The following NFIB variants were observed in gnomAD, a reference collection of about 807,000 sequenced individuals.
The protein encoded by NFIB is nuclear factor 1 B-type.
A neutral mutation model predicts 61.5 loss-of-function variants in NFIB; 11 were observed. That is an observed-to-expected ratio of 0.18 (90% confidence interval 0.11 to 0.30). NFIB has a LOEUF of 0.30. NFIB is among the 10% of genes least tolerant of loss of function. The probability of loss-of-function intolerance (pLI) is 1.00; values close to 1 mark genes in which losing one functional copy is unlikely to be tolerated. For missense variants in NFIB, 471 were observed against 608.9 expected, an observed-to-expected ratio of 0.77 and a Z score of 2.38; for synonymous variants, 260 against 216.5, an observed-to-expected ratio of 1.20 and a Z score of -1.76.
At chr9:14,472,266 G>A in the NFIB span, among the ~76,000 whole-genome samples, 1 of 152,152 alleles carries the variant, frequency 6.6e-6, no homozygotes, top group Non-Finnish European at 1.5e-5. Flanking sequence ...CCCAGACTAG[G>A]TCCAAGTTAT....
chr9:14,279,095 C>G (rs1011934690), intron 2 of NFIB, among the ~76,000 whole-genome samples: 6 of 151,974 alleles, frequency 3.9e-5, no homozygotes, highest in Non-Finnish European at 7.4e-5. Context: ...GAGAGTGTGC[C>G]TACAATTCAC....
chr9:14,524,563 C>T, the NFIB span, among the ~76,000 whole-genome samples: 2 of 152,032 alleles, frequency 1.3e-5, no homozygotes, highest in East Asian at 1.9e-4. Flanking sequence ...TGAGTTGAAC[C>T]GCAAAATGGC....
At chr9:14,300,196 C>CAGAA in intron 2 of NFIB, 1 of 398,508 alleles carries the variant, frequency 2.5e-6, no homozygotes, top group Non-Finnish European at 4.4e-6. Flanking sequence ...CACGTTGCCA[C>CAGAA]AGAAAAGTGA....
intron 8 of NFIB, among the ~76,000 whole-genome samples, chr9:14,119,229 TATACTAAG>T (rs1410983982): frequency 2.0e-5 from 3 of 152,148 alleles, no homozygotes; most frequent in Non-Finnish European, 4.4e-5. Context: ...TTCTAAACGA[TATACTAAG>T]ATCCCACTCT....
At chr9:14,350,881 G>A (rs1469278064) in intron 1 of NFIB, among the ~76,000 whole-genome samples, 2 of 152,204 alleles carry the variant, frequency 1.3e-5, no homozygotes, top group East Asian at 3.9e-4. Flanking sequence ...TTGGCACAAA[G>A]CTGTTTCGAC....
chr9:14,379,466 A>G (rs2061457836), intron 1 of NFIB, among the ~76,000 whole-genome samples: 1 of 152,176 alleles, frequency 6.6e-6, no homozygotes, highest in South Asian at 2.1e-4. Context: ...TAAGATCCGA[A>G]TGCAGGTGAA....
intron 2 of NFIB, among the ~76,000 whole-genome samples, chr9:14,288,378 A>G (rs1208471948): frequency 2.0e-5 from 3 of 152,120 alleles, no homozygotes; most frequent in African/African-American, 7.2e-5. Context: ...GCCATTTAGT[A>G]TTAAATATTT....
At chr9:14,257,411 C>T (rs1409233999) in intron 2 of NFIB, among the ~76,000 whole-genome samples, 2 of 152,108 alleles carry the variant, frequency 1.3e-5, no homozygotes, top group African/African-American at 2.4e-5. Context: ...CAATGCCTAG[C>T]TCAGTGCTGA....
At chr9:14,499,535 G>T in the NFIB span, among the ~76,000 whole-genome samples, 3 of 152,290 alleles carry the variant, frequency 2.0e-5, no homozygotes, top group Admixed American at 6.5e-5. Flanking sequence ...ATTGTGTGCT[G>T]CCTCCTGGAT....
chr9:14,362,373 G>A (rs894827116), intron 1 of NFIB: 1 of 152,108 alleles, frequency 6.6e-6, no homozygotes, highest in Non-Finnish European at 1.5e-5. Context: ...TGAACATCAA[G>A]AACTGGGTGT....
rs1450972882 is a variant in NFIB, at chr9:14,331,745, A to G, written c.109-24225T>C. ...GTGACTCTGGACAAGGCAGGTAATG[A>G]TTCTTAACCACGATTCCCTTACCTT... On this transcript the variant is annotated intron_variant, in intron 1 of 8. Coordinates refer to the NFIB transcript ENST00000380934. Among the ~76,000 whole-genome samples the G allele has an allele frequency of 2.0e-5, 3 of 152,212 alleles. No homozygotes were observed. The East Asian group carries it at 5.8e-4, about 29-fold the overall frequency.
intron 1 of NFIB, among the ~76,000 whole-genome samples, chr9:14,345,133 G>A (rs568345878): frequency 5.9e-5 from 9 of 152,150 alleles, no homozygotes; most frequent in Admixed American, 5.2e-4. Flanking sequence ...GGAAGTGAGC[G>A]TGTTGAAGGG....
upstream of NFIB, among the ~76,000 whole-genome samples, chr9:14,400,069 A>C (rs2061727951): frequency 6.6e-6 from 1 of 152,080 alleles, no homozygotes; most frequent in Non-Finnish European, 1.5e-5. Flanking sequence ...CCTGGACTTT[A>C]AAACTTCAAT....
chr9:14,313,549 A>C lies in NFIB; in HGVS notation c.-38T>G. On this transcript the variant is annotated 5_prime_UTR_variant, in exon 1 of 11. Transcript: ENST00000380953. This position sits in a 1 kb window ranked among gnomAD's most constrained non-coding sequence, Gnocchi z 4.5. ...AAACGCACTTTCCGGGAGATGCCCA[A>C]GAAAATCTTCGAGAAGCAAGAATTT... is the stretch of plus-strand genomic sequence containing the variant. 2.5e-6 allele frequency: 4 copies of C among 1,613,364 alleles called. No homozygotes were observed. Among genetic ancestry groups the C allele is most frequent in the Non-Finnish European group, 3.4e-6 (4 of 1,179,660 alleles).
chr9:14,170,775 C>T (rs1474255456), intron 3 of NFIB, among the ~76,000 whole-genome samples: 1 of 152,170 alleles, frequency 6.6e-6, no homozygotes, highest in Non-Finnish European at 1.5e-5. Flanking sequence ...GATTCTGACC[C>T]TCCCTTAAGG....
chr9:14,248,749 G>A (rs1015464476), intron 2 of NFIB, among the ~76,000 whole-genome samples: 2 of 152,140 alleles, frequency 1.3e-5, no homozygotes, highest in African/African-American at 4.8e-5. Flanking sequence ...CAGGTTCAGG[G>A]GTAGTCCAAG....
intron 1 of NFIB, among the ~76,000 whole-genome samples, chr9:14,397,959 C>T (rs2061704132): frequency 6.6e-6 from 1 of 152,084 alleles, no homozygotes; most frequent in Non-Finnish European, 1.5e-5. Flanking sequence ...AGCAATATAA[C>T]ATTTGTAGTA....
rs77868652 is a variant in NFIB at position 14,122,395 on chromosome 9, G to A, written c.1061-1771C>T. ...TCCCTTGGTCTACACACAGACCTAGGGGATCAGGACCTCTAGGGGTAAGGC... is the reference window on the plus strand; with the variant it reads ...TCCCTTGGTCTACACACAGACCTAGAGGATCAGGACCTCTAGGGGTAAGGC... On this transcript the variant is annotated intron_variant, in intron 7 of 10. Coordinates refer to ENST00000380953, the MANE Select transcript of NFIB (RefSeq NM_001190737.2). Among the ~76,000 whole-genome samples the A allele has an allele frequency of 3.8e-3, 574 of 152,186 alleles. 4 individuals carry two copies. Among genetic ancestry groups the A allele is most frequent in the African/African-American group, 0.013 (546 of 41,516 alleles).
At chr9:14,384,853 T>A (rs1183707833) in intron 1 of NFIB, among the ~76,000 whole-genome samples, 1 of 152,158 alleles carries the variant, frequency 6.6e-6, no homozygotes, top group South Asian at 2.1e-4. Flanking sequence ...ACACCTTGCA[T>A]CCAAGATTGT....
Sources: gnomAD v4.1 joint callset for allele counts (sites outside exome capture counted in the v4.1 genomes callset) on GRCh38, gnomAD v4.1.1 for gene constraint, Gnocchi (gnomAD v3.1) non-coding constraint, MANE v1.5 for transcripts, NCBI Gene and HGNC (gene_info 2026-07-23, HGNC 2026-07-21) for gene names.